Variants in ARHGAP36 observed in about 807,000 individuals in gnomAD.
ARHGAP36 encodes Rho GTPase activating protein 36.
In ARHGAP36, 7 loss-of-function variants were observed where a neutral mutation model predicts 32.9. That is an observed-to-expected ratio of 0.21 (90% confidence interval 0.12 to 0.40). The LOEUF (loss-of-function observed/expected upper bound fraction) is 0.40, where lower values mean the gene tolerates loss of function less well. ARHGAP36 is among the 10% of genes least tolerant of loss of function. The probability of loss-of-function intolerance (pLI) is 1.00; values close to 1 mark genes in which losing one functional copy is unlikely to be tolerated. For synonymous variants in ARHGAP36, 165 were observed against 168.3 expected, an observed-to-expected ratio of 0.98 and a Z score of 0.15; for missense variants, 383 against 442.2, an observed-to-expected ratio of 0.87 and a Z score of 1.20.
At chrX:131,087,466 G>T (rs774459412) in intron 11 of ARHGAP36, among the ~76,000 whole-genome samples, 1 of 111,446 alleles carries the variant, frequency 9.0e-6, no homozygotes, top group Non-Finnish European at 1.9e-5. Flanking sequence ...AAATCATGAA[G>T]AATCTCCAGA....
At chrX:131,077,807 T>TATATATATATATATATA (rs1569366758) in intron 1 of ARHGAP36, among the ~76,000 whole-genome samples, 1 of 88,068 alleles carries the variant, frequency 1.1e-5, no homozygotes, top group African/African-American at 6.0e-5. Flanking sequence ...ATATATATAT[T>TATATATATATATATATA]GCTAGTGACA....
chrX:131,088,575 G>A (rs942297177), intron 11 of ARHGAP36, 53 bp from the exon 12 acceptor site: 45 of 1,166,245 alleles, frequency 3.9e-5, no homozygotes, highest in East Asian at 1.5e-4. Context: ...TGGGTGCTGC[G>A]CAAAGTATAA....
chrX:131,088,728 G>A lies in ARHGAP36; in HGVS notation c.1587G>A (p.Leu529=), dbSNP rs777405213. ...NPPIPEQDRP[L]LRVPREKEAK... is the part of the protein sequence containing the mutation. ...CCATTCCGGAGCAAGACCGCCCATT[G>A]CTCCGTGTGCCCCGGGAGAAGGAGG... The change falls in exon 12 of 12, where the codon TTG becomes TTA. Residue 529 remains leucine (L), a synonymous_variant. Coordinates refer to ENST00000276211, the MANE Select transcript of ARHGAP36 (RefSeq NM_144967.4). 8.3e-7 allele frequency: 1 copy of A among 1,211,050 alleles called. No homozygotes were observed. The highest frequency in any genetic ancestry group is 1.1e-6 in the Non-Finnish European group (1 of 895,296).
At chrX:131,070,039 T>C (rs1050480054) in intron 1 of ARHGAP36, among the ~76,000 whole-genome samples, 1 of 112,144 alleles carries the variant, frequency 8.9e-6, no homozygotes, top group Admixed American at 9.4e-5. Flanking sequence ...TGAGGAGTTA[T>C]CATAAGGAAC....
intron 1 of ARHGAP36, among the ~76,000 whole-genome samples, chrX:131,078,207 C>T (rs2079775041): frequency 9.1e-6 from 1 of 110,460 alleles, no homozygotes; most frequent in Non-Finnish European, 1.9e-5. Context: ...TCATTCAACT[C>T]TCAGACAACC....
chrX:131,078,255 A>G (rs2079775410), intron 1 of ARHGAP36, among the ~76,000 whole-genome samples: 1 of 112,281 alleles, frequency 8.9e-6, no homozygotes, highest in African/African-American at 3.2e-5. Flanking sequence ...CATTTTATAG[A>G]GAAGGCCACT....
chrX:131,085,654 G>A lies in ARHGAP36; in HGVS notation c.1022G>A (p.Ser341Asn), dbSNP rs2079831379. Residue 341 changes from serine (S) to asparagine (N), a missense_variant, in exon 8 of 12, where the codon AGT (serine) becomes AAT (asparagine). Coordinates refer to ENST00000276211, the MANE Select transcript of ARHGAP36 (RefSeq NM_144967.4). ...GTCTACCTGATGCCACCCTGCCACA[G>A]TGATACCCTGGAGCGTCTGCTGAAG... is the stretch of plus-strand genomic sequence containing the variant. ...LLVYLMPPCH[S>N]DTLERLLKAL... The A allele has an allele frequency of 8.3e-7, 1 of 1,209,661 alleles. No homozygotes were observed. The highest frequency in any genetic ancestry group is 1.1e-6 in the Non-Finnish European group (1 of 895,262).
At chrX:131,080,572 C>G (rs2079790912) in intron 1 of ARHGAP36, among the ~76,000 whole-genome samples, 1 of 111,659 alleles carries the variant, frequency 9.0e-6, no homozygotes, top group Non-Finnish European at 1.9e-5. Context: ...GGGGCATACC[C>G]CATTGGGGAT....
chrX:131,075,851 T>C (rs1192842270), intron 1 of ARHGAP36, among the ~76,000 whole-genome samples: 1 of 111,197 alleles, frequency 9.0e-6, no homozygotes, highest in African/African-American at 3.3e-5. Flanking sequence ...AAGGCTTGAG[T>C]TGGGGATAGG....
chrX:131,071,605 G>T (rs995898849), intron 1 of ARHGAP36, among the ~76,000 whole-genome samples: 1 of 111,451 alleles, frequency 9.0e-6, no homozygotes, highest in African/African-American at 3.3e-5. Context: ...TCCAATCCAG[G>T]CACCTAAGAG....
chrX:131,068,028 A>AC (rs941032344), intron 1 of ARHGAP36, among the ~76,000 whole-genome samples: 3 of 111,449 alleles, frequency 2.7e-5, no homozygotes, highest in African/African-American at 9.8e-5. Context: ...AACAGCACAC[A>AC]CCCACCTTCA....
intron 1 of ARHGAP36, among the ~76,000 whole-genome samples, chrX:131,068,820 T>C (rs1384644781): frequency 9.0e-6 from 1 of 111,252 alleles, no homozygotes; most frequent in African/African-American, 3.3e-5. Context: ...CTTTTCTTAA[T>C]GGAGAGCTCA....
At chrX:131,069,277 C>A (rs2079719934) in intron 1 of ARHGAP36, among the ~76,000 whole-genome samples, 1 of 111,804 alleles carries the variant, frequency 8.9e-6, no homozygotes. Flanking sequence ...AGATGGACAG[C>A]AAGGGAAAGG....
chrX:131,069,385 G>T (rs2079720804), intron 1 of ARHGAP36, among the ~76,000 whole-genome samples: 1 of 111,965 alleles, frequency 8.9e-6, no homozygotes. Context: ...TCGAATCCCA[G>T]CTCTGCCACT....
At chrX:131,071,534 G>A (rs1453302599) in intron 1 of ARHGAP36, among the ~76,000 whole-genome samples, 2 of 111,773 alleles carry the variant, frequency 1.8e-5, no homozygotes, top group Non-Finnish European at 3.8e-5. Context: ...CTTAGAGCCA[G>A]ACGCTCTCTC....
chrX:131,073,311 A>T (rs746987818), intron 1 of ARHGAP36, among the ~76,000 whole-genome samples: 1 of 112,789 alleles, frequency 8.9e-6, no homozygotes, highest in South Asian at 3.7e-4. Context: ...GGACCCGCGC[A>T]GCGCACCTCA....
At chrX:131,081,417 T>G in intron 1 of ARHGAP36, 107 bp from the exon 2 acceptor site, 1 of 610,723 alleles carries the variant, frequency 1.6e-6, no homozygotes, top group Non-Finnish European at 2.2e-6. Flanking sequence ...TATTTTTTCT[T>G]CTTATTTTCT....
intron 1 of ARHGAP36, among the ~76,000 whole-genome samples, chrX:131,067,211 C>T (rs1445447017): frequency 1.8e-5 from 2 of 112,336 alleles, no homozygotes; most frequent in African/African-American, 3.2e-5. Flanking sequence ...CTGGATCTGC[C>T]CACACAAAGC....
intron 1 of ARHGAP36, among the ~76,000 whole-genome samples, chrX:131,063,434 T>G (rs775669184): frequency 8.9e-6 from 1 of 111,918 alleles, no homozygotes; most frequent in African/African-American, 3.2e-5. Flanking sequence ...TTTTCAAAGC[T>G]AAGGCTCCAG....
Sources: allele counts gnomAD v4.1 joint callset (sites outside exome capture counted in the v4.1 genomes callset), GRCh38; gene constraint gnomAD v4.1.1; transcripts MANE v1.5; gene names NCBI Gene and HGNC (gene_info 2026-07-23, HGNC 2026-07-21).